Variants in RYR3 observed in about 807,000 individuals in gnomAD.
RYR3 encodes brain ryanodine receptor-calcium release channel.
In RYR3, 207 loss-of-function variants were observed where a neutral mutation model predicts 584.3. The ratio of observed to expected loss-of-function variants is 0.35; its 90% CI spans 0.32 to 0.40. The LOEUF (loss-of-function observed/expected upper bound fraction) is 0.40. Among genes scored for constraint, RYR3 ranks in the 10% least tolerant of loss-of-function variants. The pLI, the probability that RYR3 is intolerant of heterozygous loss-of-function variation, is 1.00. For missense variants in RYR3, 5,616 were observed against 6,089.2 expected (o/e 0.92, Z 2.59); for synonymous variants, 2,416 against 2,248.5 (o/e 1.07, Z -2.11).
chr15:33,854,278 G>A lies in RYR3; in HGVS notation c.13800-111G>A, dbSNP rs1207569362. On this transcript the variant is annotated intron_variant, in intron 96 of 103. Coordinates refer to ENST00000634891, the MANE Select transcript of RYR3 (RefSeq NM_001036.6). ...CACATACAACTTGATAAAGCTGAGA[G>A]CCATATTTAGGTTATTAAACCTGAG... The A allele has an allele frequency of 2.3e-5, 18 of 768,008 alleles. No individual in the cohort carries two copies. The East Asian group carries it at 4.3e-4, about 19-fold the overall frequency. 47.6% of individuals were successfully genotyped at this position (768,008 alleles called of 1,614,324 possible).
At chr15:33,719,348 T>C (rs906473214) in intron 43 of RYR3, among the ~76,000 whole-genome samples, 1 of 152,186 alleles carries the variant, frequency 6.6e-6, no homozygotes, top group African/African-American at 2.4e-5. Flanking sequence ...ACAGTCTGAT[T>C]TTTCAACTTC....
intron 3 of RYR3, among the ~76,000 whole-genome samples, chr15:33,522,626 G>C (rs946888680): frequency 1.3e-5 from 2 of 152,208 alleles, no homozygotes; most frequent in African/African-American, 4.8e-5. Context: ...TCAGGAGAAG[G>C]AGGGTTTGGC....
chr15:33,607,481 T>C (rs1278257963), intron 18 of RYR3, among the ~76,000 whole-genome samples: 1 of 152,144 alleles, frequency 6.6e-6, no homozygotes, highest in African/African-American at 2.4e-5. Flanking sequence ...TCTAGAGTTA[T>C]TCAGAGTTCC....
chr15:33,424,844 G>A (rs182233706), intron 1 of RYR3, among the ~76,000 whole-genome samples: 214 of 152,272 alleles, frequency 1.4e-3, no homozygotes, highest in African/African-American at 5.0e-3. Context: ...CGGGCATGGT[G>A]GTGTGTGCGT....
At chr15:33,831,187 C>G (rs2077654233) in intron 86 of RYR3, 96 bp downstream of exon 86, 3 of 1,188,968 alleles carry the variant, frequency 2.5e-6, no homozygotes. Context: ...GTACACAGTG[C>G]ACTATCCATC....
intron 68 of RYR3, 115 bp downstream of exon 68, chr15:33,800,972 A>C: frequency 1.3e-6 from 1 of 759,340 alleles, no homozygotes; most frequent in Non-Finnish European, 2.3e-6. Flanking sequence ...ATTCTGAGCC[A>C]CATGTGAGGA....
At chr15:33,496,457 T>C (rs1298556011) in intron 2 of RYR3, among the ~76,000 whole-genome samples, 1 of 152,126 alleles carries the variant, frequency 6.6e-6, no homozygotes, top group Non-Finnish European at 1.5e-5. Flanking sequence ...GTGTACTACT[T>C]TTTCTTTCCT....
At chr15:33,789,235 G>A (rs957185527) in intron 67 of RYR3, among the ~76,000 whole-genome samples, 6 of 152,098 alleles carry the variant, frequency 3.9e-5, no homozygotes, top group Non-Finnish European at 7.4e-5. Context: ...GGCCTAGGAC[G>A]CCACTGTGAG....
At position 33,644,349 on chromosome 15, in the gene RYR3, G is replaced by A. The variant is rs1314694717; in HGVS notation, c.3595G>A (p.Gly1199Ser). The part of the protein sequence containing the change: ...PICCLGLSQI[G>S]RMNLGTDAST... ...CTGCTGTCTGGGTCTATCTCAGATCGGCCGCATGAATCTCGGGACAGATGC... is the reference window on the plus strand; with the variant it reads ...CTGCTGTCTGGGTCTATCTCAGATCAGCCGCATGAATCTCGGGACAGATGC... Residue 1199 changes from glycine to serine, a missense_variant, in exon 28 of 104, where the codon GGC (glycine) becomes AGC (serine). By Grantham distance (56) the Gly-to-Ser change is moderately conservative (BLOSUM62 0). This residue lies in a region of RYR3 where 152 missense variants were observed against 200.9 expected (regional missense o/e 0.76). Transcript: ENST00000634891. 11 of 1,612,770 alleles carry A rather than the reference G, an allele frequency of 6.8e-6. No homozygotes were observed. The highest frequency in any genetic ancestry group is 2.7e-5 in the African/African-American group (2 of 74,870).
chr15:33,490,646 A>G (rs1236361393), intron 2 of RYR3, among the ~76,000 whole-genome samples: 1 of 152,126 alleles, frequency 6.6e-6, no homozygotes, highest in Non-Finnish European at 1.5e-5. Context: ...GAGAGCTTTT[A>G]GAATTTAATA....
chr15:33,433,970 A>G (rs1480969131), intron 1 of RYR3, among the ~76,000 whole-genome samples: 1 of 151,998 alleles, frequency 6.6e-6, no homozygotes, highest in Non-Finnish European at 1.5e-5. Context: ...GCTCCATTAC[A>G]TTTTTCTTCA....
At chr15:33,484,002 C>G (rs189518786) in intron 2 of RYR3, among the ~76,000 whole-genome samples, 1 of 152,030 alleles carries the variant, frequency 6.6e-6, no homozygotes, top group Non-Finnish European at 1.5e-5. Context: ...CCTTTCAGTT[C>G]TAGATTGCTC....
chr15:33,841,268 T>C (rs1272377957), intron 90 of RYR3, among the ~76,000 whole-genome samples: 1 of 152,198 alleles, frequency 6.6e-6, no homozygotes, highest in East Asian at 1.9e-4. Context: ...TAGCATCTGA[T>C]ATTCTGTCGC....
intron 78 of RYR3, 112 bp from the exon 79 acceptor site, chr15:33,821,158 A>G: frequency 1.3e-6 from 1 of 763,624 alleles, no homozygotes; most frequent in African/African-American, 1.7e-5. Flanking sequence ...ATCCAAGTTG[A>G]TGTGTGTTAC....
chr15:33,763,082 T>C (rs1449879621), intron 60 of RYR3, among the ~76,000 whole-genome samples: 2 of 152,192 alleles, frequency 1.3e-5, no homozygotes, highest in African/African-American at 4.8e-5. Context: ...AAACTAAAAG[T>C]GGACCCCTTC....
chr15:33,339,730 A>G (rs1170089678), intron 1 of RYR3, among the ~76,000 whole-genome samples: 1 of 152,034 alleles, frequency 6.6e-6, no homozygotes. Context: ...TCTACTAAAA[A>G]CACAAAAAAT....
chr15:33,618,729 G>A (rs1221583529), intron 19 of RYR3, among the ~76,000 whole-genome samples: 1 of 152,182 alleles, frequency 6.6e-6, no homozygotes, highest in African/African-American at 2.4e-5. Context: ...CATCTAGCAA[G>A]ACTAAAATGA....
chr15:33,631,300 G>A lies in RYR3; in HGVS notation c.2867+7G>A, dbSNP rs1256983475. The stretch of plus-strand genomic sequence containing the variant: ...AGGTCAAACTGCCCAAAAAGTAGGT[G>A]ATTTTTTTTTTAATGGTTCAAGACT... On this transcript the variant is annotated splice_region_variant and intron_variant, in intron 23 of 103. Coordinates refer to ENST00000634891, the MANE Select transcript of RYR3 (RefSeq NM_001036.6). The A allele has an allele frequency of 1.9e-6, 3 of 1,554,548 alleles. No homozygotes were observed. The highest frequency in any genetic ancestry group is 1.7e-6 in the Non-Finnish European group (2 of 1,143,446).
intron 93 of RYR3, 47 bp downstream of exon 93, chr15:33,845,109 A>T (rs756575882): frequency 6.3e-7 from 1 of 1,598,884 alleles, no homozygotes; most frequent in South Asian, 1.1e-5. Flanking sequence ...TTGAGGAAGA[A>T]ATGTCCTTTT....
Sources: allele counts gnomAD v4.1 joint callset (sites outside exome capture counted in the v4.1 genomes callset), GRCh38; gene constraint gnomAD v4.1.1; regional missense constraint gnomAD v4.1.1; transcripts MANE v1.5; gene names NCBI Gene and HGNC (gene_info 2026-07-23, HGNC 2026-07-21).